CRYZL1: variants seen among roughly 807,000 people sequenced by gnomAD.
CRYZL1 encodes the protein crystallin zeta like 1.
CRYZL1 carries 34 observed loss-of-function variants against 50.6 expected under a neutral mutation model. That is an observed-to-expected ratio of 0.67 (90% confidence interval 0.51 to 0.89). The LOEUF (loss-of-function observed/expected upper bound fraction) is 0.89. Ranked by LOEUF, CRYZL1 falls within the 40% of genes least tolerant of loss-of-function variation. CRYZL1 has a pLI of 0.00. For missense variants in CRYZL1, 354 were observed against 402.3 expected, an observed-to-expected ratio of 0.88 and a Z score of 1.03; for synonymous variants, 125 against 134.3, an observed-to-expected ratio of 0.93 and a Z score of 0.48.
intron 1 of CRYZL1, among the ~76,000 whole-genome samples, chr21:33,634,542 T>C (rs2087180140): frequency 6.6e-6 from 1 of 152,156 alleles, no homozygotes; most frequent in Non-Finnish European, 1.5e-5. Flanking sequence ...CTTGCTTTAT[T>C]TATTTACTAA....
intron 2 of CRYZL1, among the ~76,000 whole-genome samples, chr21:33,627,161 GT>G (rs2087076154): frequency 4.6e-5 from 7 of 152,136 alleles, no homozygotes; most frequent in Admixed American, 4.6e-4. Flanking sequence ...AATTGTTCTT[GT>G]TTTTTTGAGA....
At chr21:33,625,749 G>A (rs967554983) in intron 2 of CRYZL1, among the ~76,000 whole-genome samples, 11 of 152,128 alleles carry the variant, frequency 7.2e-5, no homozygotes, top group Non-Finnish European at 1.3e-4. Context: ...CTCCCAAAGT[G>A]CTGGGATTAA....
rs1182981544 is a variant in CRYZL1 at position 33,613,456 on chromosome 21, T to C, written c.331+82A>G. The C allele has an allele frequency of 7.4e-6, 7 of 952,132 alleles. No individual in the cohort carries two copies. The Admixed American group carries it at 1.1e-4, about 14-fold the overall frequency. The allele number at this position is 952,132 out of a possible 1,614,324, so 59.0% of individuals were successfully genotyped here. A position where few individuals can be genotyped will look rare whatever the true frequency, so the allele number is the denominator to read the frequency against. ...ATTAAGTACAACACTTATGGTAGAT[T>C]CAAAAAAATTAAAATGTTATTAAAC... On this transcript the variant is annotated intron_variant, in intron 6 of 12. Transcript: ENST00000381554.
At chr21:33,640,104 G>C in intron 1 of CRYZL1, 1 of 1,536,942 alleles carries the variant, frequency 6.5e-7, no homozygotes. Context: ...GGGATTACAG[G>C]CGTGAGCCAC....
intron 2 of CRYZL1, 89 bp downstream of exon 2, chr21:33,631,397 A>G: frequency 1.1e-6 from 1 of 894,098 alleles, no homozygotes; most frequent in Non-Finnish European, 1.6e-6. Context: ...TTGTTCATTA[A>G]GTCTCACTGA....
At chr21:33,640,234 G>A (rs1412278892) in intron 1 of CRYZL1, 2 of 1,544,588 alleles carry the variant, frequency 1.3e-6, no homozygotes, top group African/African-American at 1.4e-5. Context: ...CATTGCACAA[G>A]GCTGGCAGCT....
At chr21:33,594,766 AT>A in intron 11 of CRYZL1, 1 of 149,190 alleles carries the variant, frequency 6.7e-6, no homozygotes, top group African/African-American at 2.5e-5. Flanking sequence ...CCTCAGCCTC[AT>A]GAGTAGCTGG....
chr21:33,638,535 A>C (rs1453514191), intron 1 of CRYZL1, among the ~76,000 whole-genome samples: 4 of 152,190 alleles, frequency 2.6e-5, no homozygotes, highest in Non-Finnish European at 4.4e-5. Flanking sequence ...AGGGTAGTGA[A>C]TGCATGGTTA....
chr21:33,624,211 TATACAAAA>T (rs2087034047), intron 3 of CRYZL1, among the ~76,000 whole-genome samples: 1 of 152,122 alleles, frequency 6.6e-6, no homozygotes, highest in African/African-American at 2.4e-5. Context: ...TATATAGAAA[TATACAAAA>T]GCACACTAAA....
rs140922740 is a variant in CRYZL1, at chr21:33,615,583, G to A, written c.262+1123C>T. Among the ~76,000 whole-genome samples the A allele has an allele frequency of 5.2e-3, 794 of 152,200 alleles. 9 individuals are homozygous for A. Among genetic ancestry groups the A allele is most frequent in the African/African-American group, 0.018 (750 of 41,534 alleles). ...TGTTTGTGTGACTGTCTAGGATGCA[G>A]GTTGCAACTATAAAAGTCATAGCCT... On this transcript the variant is annotated intron_variant, in intron 5 of 12. Coordinates refer to ENST00000381554, the MANE Select transcript of CRYZL1 (RefSeq NM_145858.3).
chr21:33,638,540 T>C (rs947012037), intron 1 of CRYZL1, among the ~76,000 whole-genome samples: 2 of 152,170 alleles, frequency 1.3e-5, no homozygotes, highest in African/African-American at 4.8e-5. Flanking sequence ...AGTGAATGCA[T>C]GGTTATAACA....
intron 1 of CRYZL1, chr21:33,641,078 G>A (rs2087306575): frequency 4.0e-6 from 6 of 1,517,672 alleles, no homozygotes; most frequent in Non-Finnish European, 5.3e-6. Flanking sequence ...CAGAGTTCAG[G>A]TAAAACCTTT....
At chr21:33,616,652 C>CA (rs753038314) in intron 5 of CRYZL1, 54 bp downstream of exon 5, 4 of 1,601,948 alleles carry the variant, frequency 2.5e-6, no homozygotes, top group Non-Finnish European at 3.4e-6. Flanking sequence ...ATAGAAAAAA[C>CA]AGAGATGACG....
chr21:33,597,233 T>C, intron 10 of CRYZL1, 47 bp downstream of exon 10: 14 of 1,585,918 alleles, frequency 8.8e-6, no homozygotes, highest in Non-Finnish European at 1.2e-5. Context: ...GTTTGTTAAT[T>C]ACACCCCTTT....
rs1486885902 is a variant in CRYZL1, at chr21:33,616,745, T to C, written c.223A>G (p.Ser75Gly). 1 of 1,605,878 alleles carries C rather than the reference T, an allele frequency of 6.2e-7. No homozygotes were observed. The highest frequency in any genetic ancestry group is 2.2e-5 in the East Asian group (1 of 44,648). Residue 75 changes from serine to glycine, a missense_variant, in exon 5 of 13, where the codon AGC becomes GGC. Ser to Gly is a moderately conservative substitution (Grantham distance 56, BLOSUM62 0). Transcript: ENST00000381554. Reference protein sequence around the residue: ...EIAGIVLDVGSKVSFFQPDDE... With the variant: ...EIAGIVLDVGGKVSFFQPDDE... ...TCTGGTTGAAAGAATGATACCTTGC[T>C]TCCAACTAAAGAGTGAAGAAAATTA...
chr21:33,630,431 C>A (rs2035842953), intron 2 of CRYZL1, among the ~76,000 whole-genome samples: 1 of 151,928 alleles, frequency 6.6e-6, no homozygotes, highest in African/African-American at 2.4e-5. Context: ...ACTAAAAATA[C>A]AAAAATTAGC....
chr21:33,641,187 C>A, intron 1 of CRYZL1: 1 of 1,550,472 alleles, frequency 6.4e-7, no homozygotes, highest in African/African-American at 1.4e-5. Context: ...ACATCTCGCT[C>A]CAGATGATTC....
chr21:33,594,443 A>T (rs2086674414), intron 11 of CRYZL1: 1 of 151,922 alleles, frequency 6.6e-6, no homozygotes, highest in Non-Finnish European at 1.5e-5. Flanking sequence ...TACAGGCATG[A>T]GCCACTGTGC....
intron 9 of CRYZL1, 77 bp from the exon 10 acceptor site, chr21:33,597,478 C>A (rs1412392799): frequency 3.5e-6 from 4 of 1,151,040 alleles, no homozygotes; most frequent in South Asian, 1.4e-5. Context: ...ATTTATTCTT[C>A]AAACAAGTTC....
Sources: gnomAD v4.1 joint callset for allele counts (sites outside exome capture counted in the v4.1 genomes callset) on GRCh38, gnomAD v4.1.1 for gene constraint, MANE v1.5 for transcripts, NCBI Gene and HGNC (gene_info 2026-07-23, HGNC 2026-07-21) for gene names.